The following PTPRD variants were observed in gnomAD, a reference collection of about 807,000 sequenced individuals.
The protein encoded by PTPRD is protein tyrosine phosphatase receptor type D, also known as receptor-type tyrosine-protein phosphatase delta.
Under a neutral mutation model 214.5 loss-of-function variants are expected in PTPRD, and 34 were observed. The observed-to-expected ratio is 0.16, with a 90% CI of 0.12 to 0.21. The LOEUF (loss-of-function observed/expected upper bound fraction) is 0.21, where lower values mean the gene tolerates loss of function less well. PTPRD is among the 10% of genes least tolerant of loss of function. PTPRD has a pLI of 1.00. For synonymous variants in PTPRD, 1,128 were observed against 845.7 expected (o/e 1.33, Z -5.79); for missense variants, 2,545 against 2,398.7 (o/e 1.06, Z -1.27).
chr9:8,937,673 T>C (rs1037579889), intron 11 of PTPRD, among the ~76,000 whole-genome samples: 4 of 152,204 alleles, frequency 2.6e-5, no homozygotes, highest in African/African-American at 9.7e-5. Context: ...AGATTCAAAG[T>C]GCAATATACA....
At chr9:9,727,351 G>T (rs1410795709) in intron 7 of PTPRD, among the ~76,000 whole-genome samples, 1 of 152,060 alleles carries the variant, frequency 6.6e-6, no homozygotes, top group East Asian at 1.9e-4. Flanking sequence ...CTCAGAAGTT[G>T]AGGCAGGAGG....
intron 12 of PTPRD, among the ~76,000 whole-genome samples, chr9:8,695,013 G>A (rs113598702): frequency 0.015 from 2,316 of 152,192 alleles, 29 homozygotes; most frequent in Non-Finnish European, 0.025. Flanking sequence ...AAAACCTGAG[G>A]GAGGGTGATT....
chr9:8,993,267 C>G (rs1055227125), intron 11 of PTPRD, among the ~76,000 whole-genome samples: 1 of 152,128 alleles, frequency 6.6e-6, no homozygotes, highest in Non-Finnish European at 1.5e-5. Flanking sequence ...GGTTGCTTAA[C>G]TATTTCCTCA....
intron 30 of PTPRD, among the ~76,000 whole-genome samples, chr9:8,479,140 A>G (rs767674): frequency 0.34 from 52,093 of 152,048 alleles, 9,164 homozygotes; most frequent in African/African-American, 0.44. Context: ...GTGACACAGC[A>G]TGGCACGGAG....
intron 9 of PTPRD, among the ~76,000 whole-genome samples, chr9:9,272,467 A>ATC (rs1195224724): frequency 6.6e-6 from 1 of 151,248 alleles, no homozygotes. Context: ...AGACCTCTTA[A>ATC]TCACACATCC....
At chr9:9,053,114 T>C (rs1267349707) in intron 10 of PTPRD, among the ~76,000 whole-genome samples, 1 of 152,210 alleles carries the variant, frequency 6.6e-6, no homozygotes, top group African/African-American at 2.4e-5. Context: ...AGCATATTCA[T>C]TTTTGCTTCC....
At chr9:10,437,032 T>A (rs925776127) in intron 2 of PTPRD, among the ~76,000 whole-genome samples, 5 of 151,764 alleles carry the variant, frequency 3.3e-5, no homozygotes, top group Admixed American at 2.6e-4. Flanking sequence ...CTGAGATAAG[T>A]ATATATGCAA....
chr9:9,299,953 G>A (rs1954633538), intron 9 of PTPRD, among the ~76,000 whole-genome samples: 1 of 149,498 alleles, frequency 6.7e-6, no homozygotes, highest in Admixed American at 6.7e-5. Flanking sequence ...TTCCTCCACA[G>A]TATGTACATA....
At chr9:10,069,559 G>C (rs2097954725) in intron 3 of PTPRD, among the ~76,000 whole-genome samples, 1 of 151,954 alleles carries the variant, frequency 6.6e-6, no homozygotes, top group Non-Finnish European at 1.5e-5. Flanking sequence ...CACAAAACCA[G>C]ATACAGTTAT....
intron 14 of PTPRD, among the ~76,000 whole-genome samples, chr9:8,573,166 T>C (rs10511502): frequency 0.034 from 5,109 of 152,042 alleles, 193 homozygotes; most frequent in African/African-American, 0.081. Context: ...TAGGTATGAA[T>C]GAATGCATGA....
chr9:9,945,595 C>T (rs2092433573), intron 4 of PTPRD, among the ~76,000 whole-genome samples: 1 of 152,126 alleles, frequency 6.6e-6, no homozygotes, highest in African/African-American at 2.4e-5. Flanking sequence ...TTGCACATTG[C>T]ACATGCAACA....
Position 8,497,275 on chromosome 9 carries a change from G to A in PTPRD, c.2323-7C>T. On this transcript the variant is annotated splice_region_variant and splice_polypyrimidine_tract_variant and intron_variant, in intron 25 of 45. Coordinates refer to ENST00000381196, the MANE Select transcript of PTPRD (RefSeq NM_002839.4). ...TAGTATCATCAAATTCCCACTGATT[G>A]AGAATAAGAAGGTTGGGAGGAAAAC... 1 of 1,594,038 alleles carries A rather than the reference G, an allele frequency of 6.3e-7. No homozygotes were observed. The highest frequency in any genetic ancestry group is 8.5e-7 in the Non-Finnish European group (1 of 1,172,096).
intron 14 of PTPRD, among the ~76,000 whole-genome samples, chr9:8,618,875 T>G (rs1457313788): frequency 2.7e-5 from 4 of 146,384 alleles, no homozygotes; most frequent in Non-Finnish European, 6.0e-5. Flanking sequence ...TTTGTGTGTG[T>G]GTGTGTGTGT....
intron 8 of PTPRD, among the ~76,000 whole-genome samples, chr9:9,511,890 G>C (rs1490018003): frequency 6.6e-6 from 1 of 151,664 alleles, no homozygotes; most frequent in East Asian, 1.9e-4. Context: ...CTAAGGATGA[G>C]CAAATTTTTC....
At chr9:9,963,111 G>T (rs2094469738) in intron 4 of PTPRD, among the ~76,000 whole-genome samples, 1 of 151,986 alleles carries the variant, frequency 6.6e-6, no homozygotes, top group African/African-American at 2.4e-5. Flanking sequence ...AACAAGTTTA[G>T]TAGAAAAGTA....
chr9:10,506,635 A>T (rs2046074404), intron 2 of PTPRD, among the ~76,000 whole-genome samples: 1 of 152,084 alleles, frequency 6.6e-6, no homozygotes, highest in Non-Finnish European at 1.5e-5. Context: ...TAAAAAAATT[A>T]TATTATTGTT....
chr9:10,221,690 G>C (rs933923646), intron 3 of PTPRD, among the ~76,000 whole-genome samples: 1 of 151,836 alleles, frequency 6.6e-6, no homozygotes, highest in Non-Finnish European at 1.5e-5. Flanking sequence ...GAAGCATTAA[G>C]TACATCCACA....
intron 31 of PTPRD, 29 bp from the exon 32 acceptor site, chr9:8,465,704 A>G (rs753009250): frequency 3.2e-6 from 5 of 1,568,866 alleles, no homozygotes; most frequent in African/African-American, 1.4e-5. Flanking sequence ...AAACAGAAAA[A>G]GAACTGTAAA....
intron 3 of PTPRD, among the ~76,000 whole-genome samples, chr9:10,043,448 C>T (rs2097332055): frequency 1.3e-5 from 2 of 151,876 alleles, no homozygotes; most frequent in African/African-American, 2.4e-5. Flanking sequence ...GCTATTACTC[C>T]TGGTAAAGGA....
Sources: allele counts gnomAD v4.1 joint callset (sites outside exome capture counted in the v4.1 genomes callset), GRCh38; gene constraint gnomAD v4.1.1; transcripts MANE v1.5; gene names NCBI Gene and HGNC (gene_info 2026-07-23, HGNC 2026-07-21).